EPHA8: variants seen among roughly 807,000 people sequenced by gnomAD.
EPHA8 encodes the protein EPH receptor A8.
A neutral mutation model predicts 103.6 loss-of-function variants in EPHA8; 58 were observed. That is an observed-to-expected ratio of 0.56 (90% CI 0.45 to 0.70). The LOEUF (loss-of-function observed/expected upper bound fraction) is 0.70. Ranked by LOEUF, EPHA8 falls within the 30% of genes least tolerant of loss-of-function variation. The probability of loss-of-function intolerance (pLI) is 0.00; values close to 1 mark genes in which losing one functional copy is unlikely to be tolerated. For missense variants in EPHA8, 1,304 were observed against 1,395.2 expected (o/e 0.93, Z 1.04); for synonymous variants, 559 against 572.5 (o/e 0.98, Z 0.34).
chr1:22,586,086 T>C (rs991742137), intron 3 of EPHA8, among the ~76,000 whole-genome samples: 6 of 152,054 alleles, frequency 3.9e-5, no homozygotes, highest in Admixed American at 1.3e-4. Context: ...TAGGCTGGCG[T>C]CCCACGTAAG....
rs1641488269 is a variant in EPHA8 at position 22,595,316 on chromosome 1, A to G, written c.1690A>G (p.Lys564Glu). 1 of 1,613,224 alleles carries G rather than the reference A, an allele frequency of 6.2e-7. No homozygotes were observed. The highest frequency in any genetic ancestry group is 1.3e-5 in the African/African-American group (1 of 75,016). The change falls in exon 8 of 17, where the codon AAG becomes GAG. Residue 564 changes from lysine (K) to glutamate (E), a missense_variant. Transcript: ENST00000166244. ...LVVLLLLLIC[K>E]KRHCGYSKAF... ...GGTGCTTCTGCTCCTGCTCATCTGCAAGAAGAGGTGGGTGGTCTGGCCCAG... is the reference window on the plus strand; with the variant it reads ...GGTGCTTCTGCTCCTGCTCATCTGCGAGAAGAGGTGGGTGGTCTGGCCCAG...
intron 3 of EPHA8, among the ~76,000 whole-genome samples, chr1:22,578,203 C>CAG (rs144731324): frequency 2.6e-5 from 2 of 77,098 alleles, no homozygotes; most frequent in African/African-American, 3.3e-5. Context: ...TGTGTGCGTG[C>CAG]GAGTGTGTGC....
chr1:22,599,708 AGGGAAGGAAGGGAGGGAGGGAAGGAAGG>A (rs1641637087), intron 13 of EPHA8, among the ~76,000 whole-genome samples: 1 of 5,126 alleles, frequency 2.0e-4, no homozygotes, highest in Non-Finnish European at 3.1e-4. Context: ...GGGAGGAAGG[AGGGAAGGAAGGGAGGGAGGGAAGGAAGG>A]AGGGAGGGAG....
chr1:22,566,433 C>A (rs1640360707), intron 1 of EPHA8, among the ~76,000 whole-genome samples: 1 of 152,228 alleles, frequency 6.6e-6, no homozygotes, highest in Non-Finnish European at 1.5e-5. Flanking sequence ...CACAGTCGAA[C>A]AGGAACGGCT....
In EPHA8 at chr1:22,593,372, C is replaced by T. The variant is rs1387248174; in HGVS notation, c.1362C>T (p.Thr454=). The change falls in exon 6 of 17, where the codon ACC becomes ACT. Residue 454 remains threonine, a synonymous_variant. Coordinates refer to ENST00000166244, the MANE Select transcript of EPHA8 (RefSeq NM_020526.5). The part of the protein sequence containing the change: ...VVIRQERAGQ[T]SVSLLWQEPE... Reference sequence around the variant, plus strand: ...TCCGTCAAGAGCGGGCGGGGCAGACCAGCGTCTCGCTGCTGTGGCAGGAGC... The same window carrying T: ...TCCGTCAAGAGCGGGCGGGGCAGACTAGCGTCTCGCTGCTGTGGCAGGAGC... The T allele has an allele frequency of 1.3e-6, 2 of 1,590,570 alleles. No homozygotes were observed. The highest frequency in any genetic ancestry group is 2.3e-5 in the South Asian group (2 of 87,698).
intron 4 of EPHA8, among the ~76,000 whole-genome samples, chr1:22,587,237 G>C (rs1437196707): frequency 6.6e-6 from 1 of 152,232 alleles, no homozygotes; most frequent in African/African-American, 2.4e-5. Flanking sequence ...GCATGTAAAT[G>C]TGTGACGTGT....
intron 5 of EPHA8, among the ~76,000 whole-genome samples, chr1:22,590,348 C>G (rs1238626534): frequency 6.6e-6 from 1 of 152,174 alleles, no homozygotes; most frequent in Non-Finnish European, 1.5e-5. Context: ...TAGACCCTGC[C>G]TTGAACCTGC....
At chr1:22,575,404 T>C (rs191867758) in intron 2 of EPHA8, among the ~76,000 whole-genome samples, 45 of 152,120 alleles carry the variant, frequency 3.0e-4, no homozygotes, top group African/African-American at 1.0e-3. Flanking sequence ...GAAATGTCTG[T>C]TCAAGTCCTT....
chr1:22,595,404 GTGGTCCCCGTGTGCC>G, intron 8 of EPHA8, 81 bp downstream of exon 8: 1 of 1,184,722 alleles, frequency 8.4e-7, no homozygotes. Flanking sequence ...CACCGAGCCG[GTGGTCCCCGTGTGCC>G]TGGGGCTGGC....
intron 7 of EPHA8, 42 bp from the exon 8 acceptor site, chr1:22,595,188 G>A: frequency 6.4e-7 from 1 of 1,555,052 alleles, no homozygotes. Flanking sequence ...CCCAAGGCCA[G>A]GGCTGAGAGC....
chr1:22,593,322 C>T lies in EPHA8; in HGVS notation c.1316-4C>T. 3 of 1,561,004 alleles carry T rather than the reference C, an allele frequency of 1.9e-6. No homozygotes were observed. The highest frequency in any genetic ancestry group is 2.6e-6 in the Non-Finnish European group (3 of 1,151,652). ...CGCCCATCTGACGGGATTGGCCGCCCCAGCCCCGTCCCAGGTGGTGGTGAT... is the reference window on the plus strand; with the variant it reads ...CGCCCATCTGACGGGATTGGCCGCCTCAGCCCCGTCCCAGGTGGTGGTGAT... On this transcript the variant is annotated splice_region_variant and splice_polypyrimidine_tract_variant and intron_variant, in intron 5 of 16. Coordinates refer to ENST00000166244, the MANE Select transcript of EPHA8 (RefSeq NM_020526.5).
intron 5 of EPHA8, 50 bp from the exon 6 acceptor site, chr1:22,593,276 G>C: frequency 6.5e-7 from 1 of 1,537,016 alleles, no homozygotes; most frequent in Non-Finnish European, 8.8e-7. Context: ...TTGGGAGAGA[G>C]GCCACGCCTT....
At chr1:22,564,071 G>A (rs556240472) in intron 1 of EPHA8, among the ~76,000 whole-genome samples, 17 of 151,848 alleles carry the variant, frequency 1.1e-4, no homozygotes, top group African/African-American at 3.9e-4. Context: ...CAAGAGAAGA[G>A]GTAAGGAGGA....
intron 2 of EPHA8, among the ~76,000 whole-genome samples, chr1:22,574,827 A>G (rs558630848): frequency 6.6e-6 from 1 of 152,332 alleles, no homozygotes; most frequent in East Asian, 1.9e-4. Context: ...GCTAGATCAT[A>G]TGGTAATTCT....
At chr1:22,578,828 CCTGT>C (rs1341058873) in intron 3 of EPHA8, among the ~76,000 whole-genome samples, 205 of 142,030 alleles carry the variant, frequency 1.4e-3, no homozygotes, top group African/African-American at 5.1e-3. Flanking sequence ...CATGTGCATG[CCTGT>C]GTGTATATGC....
chr1:22,598,602 C>G lies in EPHA8; in HGVS notation c.2179-236C>G, dbSNP rs2148267322. 6.6e-6 allele frequency among the ~76,000 whole-genome samples: 1 copy of G among 152,296 alleles called. No individual in the cohort carries two copies. Among genetic ancestry groups the G allele is most frequent in the Non-Finnish European group, 1.5e-5 (1 of 68,030 alleles). Reference sequence around the variant, plus strand: ...CCTCTCTGGGCCTCCATCTCTCGTTCCACAAAATGGGTAAGCAGTCATTGC... The same window carrying G: ...CCTCTCTGGGCCTCCATCTCTCGTTGCACAAAATGGGTAAGCAGTCATTGC... On this transcript the variant is annotated intron_variant, in intron 12 of 16. Transcript: ENST00000166244. This position sits in a 1 kb window ranked among gnomAD's most constrained non-coding sequence, Gnocchi z 5.1.
At chr1:22,568,362 A>T (rs1305889652) in intron 1 of EPHA8, among the ~76,000 whole-genome samples, 2 of 152,056 alleles carry the variant, frequency 1.3e-5, no homozygotes, top group Non-Finnish European at 2.9e-5. Flanking sequence ...TGCCCTTTGG[A>T]CCAGTGCTCC....
chr1:22,595,341 G>C lies in EPHA8; in HGVS notation c.1697+18G>C. The C allele has an allele frequency of 6.3e-7, 1 of 1,597,766 alleles. No homozygotes were observed. Among genetic ancestry groups the C allele is most frequent in the Non-Finnish European group, 8.5e-7 (1 of 1,170,074 alleles). On this transcript the variant is annotated intron_variant, in intron 8 of 16. Transcript: ENST00000166244. ...AAGAAGAGGTGGGTGGTCTGGCCCA[G>C]CCACACCCAGCCCCTCCTCTCAAGC...
At position 22,574,970 on chromosome 1, in the gene EPHA8, A is replaced by G. The variant is rs1640643289; in HGVS notation, c.160-1247A>G. Among the ~76,000 whole-genome samples, 3 of 152,176 alleles carry G rather than the reference A, an allele frequency of 2.0e-5. No individual in the cohort carries two copies. The South Asian group carries it at 6.2e-4, about 32-fold the overall frequency. ...CACTTATTATTATCATTTTTTTTTA[A>G]GAGGGAGTCTCGCTCTGTTGCTCAG... On this transcript the variant is annotated intron_variant, in intron 2 of 16. Transcript: ENST00000166244.
Sources: gnomAD v4.1 joint callset for allele counts (sites outside exome capture counted in the v4.1 genomes callset) on GRCh38, gnomAD v4.1.1 for gene constraint, Gnocchi (gnomAD v3.1) non-coding constraint, MANE v1.5 for transcripts, NCBI Gene and HGNC (gene_info 2026-07-23, HGNC 2026-07-21) for gene names.